The following EDAR variants were observed in gnomAD, a reference collection of about 807,000 sequenced individuals.
The protein encoded by EDAR is tumor necrosis factor receptor superfamily member EDAR.
EDAR carries 38 observed loss-of-function variants against 51.3 expected under a neutral mutation model. The ratio of observed to expected loss-of-function variants is 0.74; its 90% confidence interval spans 0.57 to 0.97. EDAR has a LOEUF of 0.97. EDAR is among the 50% of genes least tolerant of loss of function. The pLI is 0.00. For missense variants in EDAR, 528 were observed against 595.0 expected (o/e 0.89, Z 1.17); for synonymous variants, 227 against 242.1 (o/e 0.94, Z 0.58).
chr2:108,923,280 C>G (rs1697185465), intron 5 of EDAR, 88 bp downstream of exon 5: 3 of 1,296,668 alleles, frequency 2.3e-6, no homozygotes, highest in Non-Finnish European at 3.4e-6. Context: ...TGTCCAGGTG[C>G]CAGGACCGGC....
chr2:108,907,596 C>A (rs556265840), intron 10 of EDAR, among the ~76,000 whole-genome samples: 2 of 151,588 alleles, frequency 1.3e-5, no homozygotes, highest in Non-Finnish European at 2.9e-5. Context: ...TGTAGTGAGC[C>A]GAGATCGCAC....
At chr2:108,906,254 C>T (rs574089352) in intron 11 of EDAR, 54 bp downstream of exon 11, 2 of 1,596,934 alleles carry the variant, frequency 1.3e-6, no homozygotes, top group South Asian at 2.2e-5. Flanking sequence ...CGGGCCCAGC[C>T]CTTCATGTCG....
rs766598987 is a variant in EDAR, at chr2:108,929,181, G to T, written c.356+17C>A. On this transcript the variant is annotated intron_variant, in intron 4 of 11. Transcript: ENST00000258443. ...GCAGAAAGCATGCCAGGGTTTGCCA[G>T]GAGGGCCTGTGCTTACCCAGGGAGG... 5 of 1,613,604 alleles carry T rather than the reference G, an allele frequency of 3.1e-6. No individual in the cohort carries two copies. Among genetic ancestry groups the T allele is most frequent in the Middle Eastern group, 1.6e-4 (1 of 6,074 alleles).
At position 108,966,540 on chromosome 2, in the gene EDAR, A is replaced by G. The variant is rs533997254; in HGVS notation, c.-19+22420T>C. On this transcript the variant is annotated intron_variant, in intron 1 of 11. Coordinates refer to ENST00000258443, the MANE Select transcript of EDAR (RefSeq NM_022336.4). The stretch of plus-strand genomic sequence containing the variant: ...CATACCCTGTGCTCTTTCAACCTGA[A>G]GACTATGAGGAAGAGGTCATCTTCT... Among the ~76,000 whole-genome samples, 3 of 152,352 alleles carry G rather than the reference A, an allele frequency of 2.0e-5. No homozygotes were observed. In the South Asian group the frequency reaches 6.2e-4, roughly 32 times the overall value.
intron 11 of EDAR, among the ~76,000 whole-genome samples, chr2:108,901,819 T>C (rs911838340): frequency 6.6e-6 from 1 of 152,212 alleles, no homozygotes; most frequent in Non-Finnish European, 1.5e-5. Flanking sequence ...TGTAAAAATA[T>C]CTAGCCAAAC....
intron 11 of EDAR, among the ~76,000 whole-genome samples, chr2:108,900,571 A>AAAAAAAAAAAAAAAAAAAAC (rs1558795844): frequency 6.8e-6 from 1 of 147,420 alleles, no homozygotes. Context: ...AAAAAAAAAA[A>AAAAAAAAAAAAAAAAAAAAC]AACAAAAAAC....
chr2:108,935,218 T>G (rs116236924), intron 1 of EDAR, among the ~76,000 whole-genome samples: 1 of 152,216 alleles, frequency 6.6e-6, no homozygotes, highest in African/African-American at 2.4e-5. Context: ...TCAATTCCCA[T>G]CTAGAATGAT....
In EDAR at chr2:108,897,235, G is replaced by A; in HGVS notation, c.1025-6C>T. 4 of 1,612,896 alleles carry A rather than the reference G, an allele frequency of 2.5e-6. No homozygotes were observed. The highest frequency in any genetic ancestry group is 3.3e-4 in the Middle Eastern group (2 of 6,060). On this transcript the variant is annotated splice_region_variant and splice_polypyrimidine_tract_variant and intron_variant, in intron 11 of 11. Transcript: ENST00000258443. ...CAGCTCCGTGGGGCTAAGACCTACA[G>A]ACACCAATGGCCACAGTTAGATGTT... is the stretch of plus-strand genomic sequence containing the variant.
At chr2:108,949,911 A>T (rs1697790492) in intron 1 of EDAR, among the ~76,000 whole-genome samples, 1 of 152,248 alleles carries the variant, frequency 6.6e-6, no homozygotes, top group African/African-American at 2.4e-5. Context: ...CTATGAGCTC[A>T]TGGAGGCCAA....
chr2:108,973,767 T>C (rs558655161), intron 1 of EDAR, among the ~76,000 whole-genome samples: 1 of 152,286 alleles, frequency 6.6e-6, no homozygotes, highest in East Asian at 1.9e-4. Flanking sequence ...GGCTTCCATC[T>C]CACAATAACG....
intron 1 of EDAR, among the ~76,000 whole-genome samples, chr2:108,965,384 G>A (rs558053638): frequency 2.0e-5 from 3 of 151,762 alleles, no homozygotes; most frequent in Non-Finnish European, 4.4e-5. Flanking sequence ...GGGAGGCTGA[G>A]GCAGGAGAAT....
Position 108,961,556 on chromosome 2 carries a change from C to T in EDAR, c.-19+27404G>A, listed in dbSNP as rs1574406707. 2.0e-5 allele frequency among the ~76,000 whole-genome samples: 3 copies of T among 152,222 alleles called. No homozygotes were observed. In the East Asian group the frequency reaches 5.8e-4, roughly 29 times the overall value. ...GATTTACATGCTGAAGGTTGAACTG[C>T]TCTTTTGGTTATGGACGTTCTGCAA... On this transcript the variant is annotated intron_variant, in intron 1 of 11. Coordinates refer to ENST00000258443, the MANE Select transcript of EDAR (RefSeq NM_022336.4).
chr2:108,957,544 C>T (rs1228144493), intron 1 of EDAR, among the ~76,000 whole-genome samples: 3 of 152,240 alleles, frequency 2.0e-5, no homozygotes. Flanking sequence ...TTTCTTCACC[C>T]TCCTCCACTG....
rs1051307286 is a variant in EDAR, at chr2:108,895,263, T to A, written c.*1644A>T. 6.6e-6 allele frequency: 1 copy of A among 152,584 alleles called. No homozygotes were observed. The highest frequency in any genetic ancestry group is 2.4e-5 in the African/African-American group (1 of 41,412). 9.5% of individuals were successfully genotyped at this position (152,584 alleles called of 1,614,324 possible). A position where few individuals can be genotyped will look rare whatever the true frequency, so the allele number is the denominator to read the frequency against. ...TGTTGGTGTTAAAGATATGACTGAT[T>A]TTCCCCCTAAAGCATTTTTTCAGTC... is the stretch of plus-strand genomic sequence containing the variant. On this transcript the variant is annotated 3_prime_UTR_variant, in exon 12 of 12. Coordinates refer to ENST00000258443, the MANE Select transcript of EDAR (RefSeq NM_022336.4).
At chr2:108,916,217 G>A (rs1037245742) in intron 5 of EDAR, among the ~76,000 whole-genome samples, 6 of 152,234 alleles carry the variant, frequency 3.9e-5, no homozygotes, top group Non-Finnish European at 7.3e-5. Context: ...TCAGTAAGGC[G>A]CTCAAGGGAG....
intron 5 of EDAR, among the ~76,000 whole-genome samples, chr2:108,919,261 A>G (rs1697086697): frequency 6.6e-6 from 1 of 152,230 alleles, no homozygotes; most frequent in Non-Finnish European, 1.5e-5. Flanking sequence ...CCAAAAGGCC[A>G]GCCTGCTCTG....
chr2:108,903,082 A>G (rs1696731312), intron 11 of EDAR, among the ~76,000 whole-genome samples: 1 of 152,336 alleles, frequency 6.6e-6, no homozygotes, highest in Admixed American at 6.5e-5. Context: ...ACAAAAATCA[A>G]TTGTATTTCT....
In EDAR at chr2:108,910,723, C is replaced by T. The variant is rs544391061; in HGVS notation, c.730+53G>A. ...GGAGGCTGCTTCTGGGAACGCCCTC[C>T]ACCCAGAGATGGGCACCGTGCACAT... is the stretch of plus-strand genomic sequence containing the variant. On this transcript the variant is annotated intron_variant, in intron 8 of 11. Transcript: ENST00000258443. The T allele has an allele frequency of 9.4e-6, 15 of 1,596,544 alleles. No individual in the cohort carries two copies. The East Asian group carries it at 3.3e-4, about 36-fold the overall frequency.
At chr2:108,987,088 A>C (rs1698511340) in intron 1 of EDAR, among the ~76,000 whole-genome samples, 5 of 152,214 alleles carry the variant, frequency 3.3e-5, no homozygotes, top group Admixed American at 3.3e-4. Context: ...TGAGGGGCTG[A>C]GCCACTTAAG....
Sources: gnomAD v4.1 joint callset for allele counts (sites outside exome capture counted in the v4.1 genomes callset) on GRCh38, gnomAD v4.1.1 for gene constraint, MANE v1.5 for transcripts, NCBI Gene and HGNC (gene_info 2026-07-23, HGNC 2026-07-21) for gene names.